Variants in SLIT2 observed in about 807,000 individuals in gnomAD.
SLIT2 encodes the protein slit guidance ligand 2, also known as slit homolog 2 protein.
Under a neutral mutation model 185.7 loss-of-function variants are expected in SLIT2, and 41 were observed. That is an observed-to-expected ratio of 0.22 (90% confidence interval 0.17 to 0.29). The LOEUF (loss-of-function observed/expected upper bound fraction) is 0.29. Among genes scored for constraint, SLIT2 ranks in the 10% least tolerant of loss-of-function variants. The pLI, the probability that SLIT2 is intolerant of heterozygous loss-of-function variation, is 1.00. For missense variants in SLIT2, 1,571 were observed against 1,909.0 expected, an observed-to-expected ratio of 0.82 and a Z score of 3.30; for synonymous variants, 693 against 680.2, an observed-to-expected ratio of 1.02 and a Z score of -0.29.
intron 4 of SLIT2, among the ~76,000 whole-genome samples, chr4:20,293,969 A>G (rs1327445552): frequency 6.6e-6 from 1 of 151,822 alleles, no homozygotes; most frequent in Non-Finnish European, 1.5e-5. Context: ...TGCATTTGTC[A>G]ATATTTAAAG....
chr4:20,562,852 TAGA>T (rs2148907304), intron 26 of SLIT2, among the ~76,000 whole-genome samples: 1 of 151,856 alleles, frequency 6.6e-6, no homozygotes, highest in Non-Finnish European at 1.5e-5. Flanking sequence ...TCTGGCTTGA[TAGA>T]AGGGCAGTGC....
intron 33 of SLIT2, among the ~76,000 whole-genome samples, chr4:20,599,363 A>G (rs1578001201): frequency 6.6e-6 from 1 of 152,288 alleles, no homozygotes; most frequent in Middle Eastern, 3.4e-3. Flanking sequence ...ACATGTAGAA[A>G]TTCACCCTTT....
chr4:20,305,959 T>C (rs903746367), intron 4 of SLIT2, among the ~76,000 whole-genome samples: 2 of 151,026 alleles, frequency 1.3e-5, no homozygotes, highest in African/African-American at 4.9e-5. Context: ...AGGTTAGCGT[T>C]AAGTGTATGT....
At chr4:20,335,899 T>C (rs1460135597) in intron 4 of SLIT2, among the ~76,000 whole-genome samples, 1 of 114,064 alleles carries the variant, frequency 8.8e-6, no homozygotes, top group African/African-American at 3.6e-5. Context: ...CCCAACATGA[T>C]GGTATACCTT....
At chr4:20,518,624 A>G (rs1720524918) in intron 11 of SLIT2, among the ~76,000 whole-genome samples, 2 of 30,194 alleles carry the variant, frequency 6.6e-5, no homozygotes, top group Admixed American at 1.2e-3. Context: ...TTTTTTTTTG[A>G]GACGGAGTCT....
intron 4 of SLIT2, among the ~76,000 whole-genome samples, chr4:20,324,520 A>C (rs1039861941): frequency 6.6e-6 from 1 of 152,194 alleles, no homozygotes; most frequent in Non-Finnish European, 1.5e-5. Context: ...ATCATTCCTG[A>C]AAATGGAATC....
At chr4:20,377,530 C>T (rs1036700104) in intron 4 of SLIT2, among the ~76,000 whole-genome samples, 2 of 152,132 alleles carry the variant, frequency 1.3e-5, no homozygotes, top group African/African-American at 4.8e-5. Context: ...TGCTCATACT[C>T]CATTTCGAAT....
At chr4:20,307,152 C>CTCCCTCCT (rs1717636185) in intron 4 of SLIT2, among the ~76,000 whole-genome samples, 1 of 16,692 alleles carries the variant, frequency 6.0e-5, no homozygotes, top group East Asian at 6.2e-3. Context: ...CCCTCCCTCC[C>CTCCCTCCT]TCCCTCCCTC....
chr4:20,277,655 T>C (rs187554399), intron 4 of SLIT2, among the ~76,000 whole-genome samples: 1 of 150,746 alleles, frequency 6.6e-6, no homozygotes, highest in Non-Finnish European at 1.5e-5. Context: ...TATGCAAGCA[T>C]ATTCTATTGG....
intron 4 of SLIT2, among the ~76,000 whole-genome samples, chr4:20,464,112 C>T (rs965211042): frequency 2.0e-5 from 3 of 152,030 alleles, no homozygotes; most frequent in Non-Finnish European, 4.4e-5. Context: ...TGTGGACATG[C>T]CTCATGCACT....
chr4:20,378,589 C>T (rs1724225266), intron 4 of SLIT2, among the ~76,000 whole-genome samples: 1 of 151,836 alleles, frequency 6.6e-6, no homozygotes, highest in Admixed American at 6.6e-5. Flanking sequence ...AGTATTGTGC[C>T]CCATTTGATT....
At position 20,252,378 on chromosome 4, in the gene SLIT2, C is replaced by T. The variant is rs1722109923; in HGVS notation, c.-1438C>T. On this transcript the variant is annotated 5_prime_UTR_variant, in exon 1 of 37. Transcript: ENST00000504154. Reference sequence around the variant, plus strand: ...CGACCTCGCTCCCTGGAGCGGGAGGCCAGGAAAGCAGCGGGAGAGGGGAAG... The same window carrying T: ...CGACCTCGCTCCCTGGAGCGGGAGGTCAGGAAAGCAGCGGGAGAGGGGAAG... Among the ~76,000 whole-genome samples the T allele has an allele frequency of 6.6e-6, 1 of 152,136 alleles. No homozygotes were observed. Among genetic ancestry groups the T allele is most frequent in the Non-Finnish European group, 1.5e-5 (1 of 68,020 alleles).
chr4:20,591,683 T>C (rs1727527411), intron 30 of SLIT2, among the ~76,000 whole-genome samples: 1 of 151,758 alleles, frequency 6.6e-6, no homozygotes, highest in South Asian at 2.1e-4. Flanking sequence ...GCGCTCACAA[T>C]TTAATTTGGC....
chr4:20,499,305 G>T (rs1193800865), intron 9 of SLIT2, among the ~76,000 whole-genome samples: 1 of 152,014 alleles, frequency 6.6e-6, no homozygotes, highest in Non-Finnish European at 1.5e-5. Flanking sequence ...GGTATATGTT[G>T]CAAATACAAT....
At chr4:20,398,067 G>A (rs1049207116) in intron 4 of SLIT2, among the ~76,000 whole-genome samples, 1 of 151,770 alleles carries the variant, frequency 6.6e-6, no homozygotes, top group Admixed American at 6.6e-5. Flanking sequence ...GGTACATGAG[G>A]TACCTAGTGT....
At chr4:20,541,305 G>A in intron 19 of SLIT2, 148 bp from the exon 20 acceptor site, 1 of 646,734 alleles carries the variant, frequency 1.5e-6, no homozygotes, top group Non-Finnish European at 2.7e-6. Context: ...TATACTGCAT[G>A]TGATTCTGAG....
intron 4 of SLIT2, among the ~76,000 whole-genome samples, chr4:20,296,316 C>T (rs13105904): frequency 2.0e-5 from 3 of 151,932 alleles, no homozygotes; most frequent in Non-Finnish European, 2.9e-5. Flanking sequence ...ATGATCTGAA[C>T]TAGAAAAAAA....
intron 15 of SLIT2, among the ~76,000 whole-genome samples, chr4:20,527,318 C>T (rs749270724): frequency 4.6e-5 from 7 of 151,848 alleles, no homozygotes; most frequent in South Asian, 2.1e-4. Context: ...GATGGAGTCT[C>T]GCTGTCTCCC....
rs187582795 is a variant in SLIT2 at position 20,419,385 on chromosome 4, T to G, written c.396-48367T>G. Among the ~76,000 whole-genome samples the G allele has an allele frequency of 9.1e-4, 139 of 152,328 alleles. No individual in the cohort carries two copies. In the South Asian group the frequency reaches 9.5e-3, roughly 10 times the overall value. On this transcript the variant is annotated intron_variant, in intron 4 of 36. Coordinates refer to ENST00000504154, the MANE Select transcript of SLIT2 (RefSeq NM_004787.4). ...AAAACTGTATAATTATTTAATGATT[T>G]ACTTACTACTCTTACTATTTCTTTC...
Sources: allele counts gnomAD v4.1 joint callset (sites outside exome capture counted in the v4.1 genomes callset), GRCh38; gene constraint gnomAD v4.1.1; transcripts MANE v1.5; gene names NCBI Gene and HGNC (gene_info 2026-07-23, HGNC 2026-07-21).